ME3: variants seen among roughly 807,000 people sequenced by gnomAD.
ME3 encodes the protein NADP-dependent malic enzyme, mitochondrial.
ME3 carries 48 observed loss-of-function variants against 68.9 expected under a neutral mutation model. The observed-to-expected ratio is 0.70, with a 90% CI of 0.55 to 0.89. ME3 has a LOEUF of 0.89. ME3 is among the 40% of genes least tolerant of loss of function. ME3 has a pLI of 0.00. For missense variants in ME3, 675 were observed against 797.4 expected, an observed-to-expected ratio of 0.85 and a Z score of 1.85; for synonymous variants, 320 against 318.8, an observed-to-expected ratio of 1.00 and a Z score of -0.04.
At chr11:86,506,954 T>C (rs1239240805) in intron 5 of ME3, among the ~76,000 whole-genome samples, 1 of 152,170 alleles carries the variant, frequency 6.6e-6, no homozygotes, top group Non-Finnish European at 1.5e-5. Flanking sequence ...GCAGGACATA[T>C]ACCTGGAGTC....
chr11:86,477,118 T>A lies in ME3; in HGVS notation c.809+10219A>T, dbSNP rs570440930. 2.0e-5 allele frequency among the ~76,000 whole-genome samples: 3 copies of A among 152,296 alleles called. No homozygotes were observed. The East Asian group carries it at 5.8e-4, about 29-fold the overall frequency. ...GGCCTCATTTATCCATCATAAGTAC[T>A]CTCCCAGTCTTAAAAATGCATTTTA... On this transcript the variant is annotated intron_variant, in intron 7 of 14. Coordinates refer to ENST00000543262, the Ensembl canonical transcript of ME3.
intron 2 of ME3, among the ~76,000 whole-genome samples, chr11:86,615,439 G>A (rs986103293): frequency 2.0e-5 from 3 of 152,138 alleles, no homozygotes; most frequent in Admixed American, 6.6e-5. Flanking sequence ...GAGAAACAGA[G>A]AATTAAGTTA....
intron 4 of ME3, among the ~76,000 whole-genome samples, chr11:86,519,063 C>T (rs931712693): frequency 6.6e-6 from 1 of 152,162 alleles, no homozygotes; most frequent in African/African-American, 2.4e-5. Context: ...TGTTTTAAGC[C>T]ATCCAATTTG....
intron 2 of ME3, chr11:86,667,799 T>C (rs1452885302): frequency 6.6e-6 from 1 of 152,162 alleles, no homozygotes. Flanking sequence ...CCCATCAACA[T>C]GTTGCTACAG....
At chr11:86,651,935 C>G (rs1004169504) in intron 2 of ME3, among the ~76,000 whole-genome samples, 1 of 152,148 alleles carries the variant, frequency 6.6e-6, no homozygotes, top group Admixed American at 6.5e-5. Flanking sequence ...GCACGAGAAC[C>G]ACATGACGAA....
intron 8 of ME3, among the ~76,000 whole-genome samples, chr11:86,454,919 A>G (rs1949830766): frequency 6.6e-6 from 1 of 152,210 alleles, no homozygotes; most frequent in South Asian, 2.1e-4. Context: ...CTTCTCCTAG[A>G]TTTATACTTG....
In ME3 at chr11:86,671,962, G is replaced by A; in HGVS notation, c.-14-4C>T. 2.2e-6 allele frequency: 3 copies of A among 1,392,766 alleles called. No individual in the cohort carries two copies. Among genetic ancestry groups the A allele is most frequent in the Non-Finnish European group, 2.8e-6 (3 of 1,080,380 alleles). 86.3% of individuals were successfully genotyped at this position (1,392,766 alleles called of 1,614,324 possible). Reference sequence around the variant, plus strand: ...GCACCCATGGTCCTTGGCAGACCTGGCACGGGAGAGAAAGCAAGGTCAGGG... The same window carrying A: ...GCACCCATGGTCCTTGGCAGACCTGACACGGGAGAGAAAGCAAGGTCAGGG... On this transcript the variant is annotated splice_region_variant and splice_polypyrimidine_tract_variant and intron_variant, in intron 1 of 14. Coordinates refer to ENST00000543262, the Ensembl canonical transcript of ME3.
At chr11:86,447,245 C>G (rs377194686) in intron 11 of ME3, 38 bp from the exon 12 acceptor site, 1 of 1,604,600 alleles carries the variant, frequency 6.2e-7, no homozygotes, top group South Asian at 1.1e-5. Flanking sequence ...TGCCTGCTCT[C>G]TATAAACAAC....
chr11:86,600,322 C>G lies in ME3; in HGVS notation c.184-40499G>C, dbSNP rs1960389609. On this transcript the variant is annotated intron_variant, in intron 2 of 14. Coordinates refer to ENST00000543262, the Ensembl canonical transcript of ME3. ...CAATCCTAGTCTCTGATAAAACAGA[C>G]TCTAAACCAACAAAGATCAAAAGAG... Among the ~76,000 whole-genome samples, 3 of 152,194 alleles carry G rather than the reference C, an allele frequency of 2.0e-5. No individual in the cohort carries two copies. In the South Asian group the frequency reaches 6.2e-4, roughly 32 times the overall value.
intron 3 of ME3, among the ~76,000 whole-genome samples, chr11:86,558,457 G>T (rs959134391): frequency 2.0e-5 from 3 of 152,172 alleles, no homozygotes; most frequent in Non-Finnish European, 4.4e-5. Context: ...AGCTTTGGGA[G>T]TAGGGGTGGA....
intron 4 of ME3, among the ~76,000 whole-genome samples, chr11:86,529,150 C>T (rs185587617): frequency 0.081 from 12,260 of 151,906 alleles, 615 homozygotes; most frequent in East Asian, 0.26. Context: ...ATCAAATAGA[C>T]GCAATAAAAA....
intron 2 of ME3, among the ~76,000 whole-genome samples, chr11:86,652,554 T>A (rs1223626311): frequency 4.6e-5 from 7 of 152,120 alleles, no homozygotes; most frequent in Non-Finnish European, 1.0e-4. Flanking sequence ...TGAGAGATTT[T>A]GTCACCACCA....
intron 8 of ME3, among the ~76,000 whole-genome samples, chr11:86,458,526 G>C (rs941955329): frequency 2.0e-5 from 3 of 150,474 alleles, no homozygotes; most frequent in Admixed American, 2.0e-4. Flanking sequence ...GCTAAAAGGG[G>C]AGATCTCGGA....
intron 13 of ME3, among the ~76,000 whole-genome samples, chr11:86,445,835 A>G (rs1374122377): frequency 3.9e-5 from 6 of 152,144 alleles, no homozygotes; most frequent in Admixed American, 1.3e-4. Context: ...GGGTCCTCCA[A>G]GGAGAAAAAA....
chr11:86,622,917 A>G (rs1453939732), intron 2 of ME3: 1 of 150,576 alleles, frequency 6.6e-6, no homozygotes, highest in Non-Finnish European at 1.5e-5. Flanking sequence ...ACCTGGATTC[A>G]AACCCTACCT....
intron 2 of ME3, among the ~76,000 whole-genome samples, chr11:86,634,930 A>AT (rs58547420): frequency 0.074 from 11,279 of 152,198 alleles, 441 homozygotes; most frequent in Non-Finnish European, 0.088. Flanking sequence ...ACAACAAAAA[A>AT]CCCAGAACCT....
chr11:86,550,776 T>G (rs1301056439), intron 4 of ME3, among the ~76,000 whole-genome samples: 2 of 152,036 alleles, frequency 1.3e-5, no homozygotes, highest in Admixed American at 1.3e-4. Context: ...AACTGTGTTG[T>G]GATGTGCTCA....
intron 8 of ME3, chr11:86,464,169 C>A: frequency 2.4e-6 from 1 of 411,968 alleles, no homozygotes; most frequent in Non-Finnish European, 4.7e-6. Context: ...CAATCCAGGG[C>A]CAACACCTGT....
At chr11:86,605,383 A>G (rs560947324) in intron 2 of ME3, among the ~76,000 whole-genome samples, 13 of 152,182 alleles carry the variant, frequency 8.5e-5, no homozygotes, top group Non-Finnish European at 1.5e-4. Flanking sequence ...GGGGACTTTG[A>G]CTTAAGAACC....
Sources: allele counts gnomAD v4.1 joint callset (sites outside exome capture counted in the v4.1 genomes callset), GRCh38; gene constraint gnomAD v4.1.1; transcripts MANE v1.5; gene names NCBI Gene and HGNC (gene_info 2026-07-23, HGNC 2026-07-21).